Variants in ZNF140 observed in about 807,000 individuals in gnomAD.
The protein encoded by ZNF140 is zinc finger protein 140, also known as zinc finger protein 140 (clone pHZ-39).
Under a neutral mutation model 12.9 loss-of-function variants are expected in ZNF140, and 13 were observed. That is an observed-to-expected ratio of 1.01 (90% CI 0.66 to 1.60). The LOEUF is 1.60. Among genes scored for constraint, ZNF140 ranks in the 40% most tolerant of loss-of-function variants. The pLI is 0.00. For missense variants in ZNF140, 531 were observed against 548.8 expected (o/e 0.97, Z 0.32); for synonymous variants, 214 against 186.7 (o/e 1.15, Z -1.19).
At chr12:133,090,613 CACAGAG>C (rs1239642235) in intron 4 of ZNF140, among the ~76,000 whole-genome samples, 4 of 150,774 alleles carry the variant, frequency 2.7e-5, no homozygotes, top group African/African-American at 7.3e-5. Flanking sequence ...AGAAAGAAGA[CACAGAG>C]ACAAAGTATA....
chr12:133,101,904 C>T (rs1593798725), intron 4 of ZNF140, among the ~76,000 whole-genome samples: 1 of 152,108 alleles, frequency 6.6e-6, no homozygotes, highest in Non-Finnish European at 1.5e-5. Context: ...ACTGATAATT[C>T]CAACATTCCT....
rs758899482 is a variant in ZNF140 at position 133,091,074 on chromosome 12, T to C, written c.232+7513T>C. 2.2e-3 allele frequency among the ~76,000 whole-genome samples: 334 copies of C among 149,188 alleles called. 7 individuals are homozygous for C. The highest frequency in any genetic ancestry group is 6.8e-3 in the Middle Eastern group (2 of 292). On this transcript the variant is annotated intron_variant, in intron 4 of 4. Transcript: ENST00000355557. Reference sequence around the variant, plus strand: ...TTCCTCTATCTCAACTGCAAGAGGCTTTCCTCTTTTACTCATCCATCTCAG... The same window carrying C: ...TTCCTCTATCTCAACTGCAAGAGGCCTTCCTCTTTTACTCATCCATCTCAG...
intron 4 of ZNF140, 22 bp from the exon 5 acceptor site, chr12:133,105,488 C>CTTTTTTTTTTT: frequency 6.6e-7 from 1 of 1,519,458 alleles, no homozygotes. Flanking sequence ...GAAACATTCA[C>CTTTTTTTTTTT]TTTTTTTTTG....
In ZNF140 at chr12:133,106,454, G is replaced by C; in HGVS notation, c.1177G>C (p.Ala393Pro). ...KPYACAECDKAFSRSFSLILH... is the reference protein window; with the variant it reads ...KPYACAECDKPFSRSFSLILH... ...CTATGCGTGTGCTGAATGTGATAAA[G>C]CCTTCAGCCGGAGCTTTTCCCTCAT... Residue 393 changes from alanine (A) to proline (P), a missense_variant, in exon 5 of 5, where the codon GCC (alanine) becomes CCC (proline). Coordinates refer to ENST00000355557, the MANE Select transcript of ZNF140 (RefSeq NM_003440.4). 6.2e-7 allele frequency: 1 copy of C among 1,614,030 alleles called. No individual in the cohort carries two copies. The highest frequency in any genetic ancestry group is 8.5e-7 in the Non-Finnish European group (1 of 1,179,998).
rs1954572427 is a variant in ZNF140 at position 133,083,574 on chromosome 12, G to A, written c.232+13G>A. The A allele has an allele frequency of 6.2e-7, 1 of 1,605,380 alleles. No individual in the cohort carries two copies. The highest frequency in any genetic ancestry group is 1.3e-5 in the African/African-American group (1 of 74,436). On this transcript the variant is annotated intron_variant, in intron 4 of 4. Transcript: ENST00000355557. ...GATCTGTTTTCAGGTGAGTGAGTTG[G>A]AAGCTGATGGGGAAATTTTTTAAAA...
At chr12:133,089,031 T>C (rs1030431511) in intron 4 of ZNF140, among the ~76,000 whole-genome samples, 10 of 152,302 alleles carry the variant, frequency 6.6e-5, no homozygotes, top group Admixed American at 3.3e-4. Context: ...TCTTTTCTTA[T>C]AATTCCTTTG....
At chr12:133,104,620 A>G (rs981983698) in intron 4 of ZNF140, among the ~76,000 whole-genome samples, 97 of 152,182 alleles carry the variant, frequency 6.4e-4, no homozygotes, top group East Asian at 7.7e-4. Context: ...CAAAGTGCTG[A>G]GATTACAGGC....
intron 4 of ZNF140, among the ~76,000 whole-genome samples, chr12:133,096,060 T>C (rs1955105224): frequency 6.6e-6 from 1 of 151,310 alleles, no homozygotes; most frequent in Non-Finnish European, 1.5e-5. Context: ...GGTGTCGGGC[T>C]GGGGGATGGT....
At chr12:133,099,721 T>C (rs1282690860) in intron 4 of ZNF140, among the ~76,000 whole-genome samples, 2 of 152,174 alleles carry the variant, frequency 1.3e-5, no homozygotes, top group African/African-American at 4.8e-5. Flanking sequence ...CTTTTACTTA[T>C]TTCTTCTTAA....
At chr12:133,082,803 T>C in intron 2 of ZNF140, 1 of 237,682 alleles carries the variant, frequency 4.2e-6, no homozygotes, top group Non-Finnish European at 8.4e-6. Context: ...CTGTAAAATC[T>C]TAAGAATTTT....
intron 4 of ZNF140, among the ~76,000 whole-genome samples, chr12:133,088,773 G>T (rs1954764403): frequency 6.6e-6 from 1 of 152,152 alleles, no homozygotes; most frequent in South Asian, 2.1e-4. Flanking sequence ...ACGATTGGTT[G>T]TTGGATTTTG....
chr12:133,102,966 CTCATT>C (rs1955409019), intron 4 of ZNF140, among the ~76,000 whole-genome samples: 1 of 149,260 alleles, frequency 6.7e-6, no homozygotes, highest in Non-Finnish European at 1.5e-5. Context: ...GTTTTTTACT[CTCATT>C]GTTGTGAGAA....
chr12:133,095,475 AG>A (rs1955039701), intron 4 of ZNF140, among the ~76,000 whole-genome samples: 2 of 150,876 alleles, frequency 1.3e-5, no homozygotes, highest in Admixed American at 1.3e-4. Flanking sequence ...CGCCAGATGA[AG>A]GGGTGGCCTG....
At position 133,084,080 on chromosome 12, in the gene ZNF140, A is replaced by G. The variant is rs892116292; in HGVS notation, c.232+519A>G. ...TACCTAACAGCTGACATAGTCGACC[A>G]GTTCTCACCTTATACTTTCTTTTCT... is the stretch of plus-strand genomic sequence containing the variant. On this transcript the variant is annotated intron_variant, in intron 4 of 4. Coordinates refer to ENST00000355557, the MANE Select transcript of ZNF140 (RefSeq NM_003440.4). 330 of 384,310 alleles carry G rather than the reference A, an allele frequency of 8.6e-4. 2 individuals are homozygous for G. The highest frequency in any genetic ancestry group is 6.6e-3 in the African/African-American group (304 of 45,994). The allele number at this position is 384,310 out of a possible 1,614,324, so 23.8% of individuals were successfully genotyped here. A position where few individuals can be genotyped will look rare whatever the true frequency, so the allele number is the denominator to read the frequency against.
chr12:133,088,608 G>T (rs1183174610), intron 4 of ZNF140, among the ~76,000 whole-genome samples: 1 of 152,108 alleles, frequency 6.6e-6, no homozygotes, highest in Non-Finnish European at 1.5e-5. Flanking sequence ...ATTTCATTTG[G>T]GTAAATACCA....
chr12:133,098,868 A>G (rs1030622125), intron 4 of ZNF140, among the ~76,000 whole-genome samples: 2 of 148,792 alleles, frequency 1.3e-5, no homozygotes, highest in Non-Finnish European at 1.5e-5. Flanking sequence ...ATGCCTGGCT[A>G]ATTTTTTGTA....
Position 133,105,718 on chromosome 12 carries a change from C to G in ZNF140, c.441C>G (p.Ala147=). The G allele has an allele frequency of 6.2e-7, 1 of 1,614,082 alleles. No homozygotes were observed. The highest frequency in any genetic ancestry group is 8.5e-7 in the Non-Finnish European group (1 of 1,180,012). Reference sequence around the variant, plus strand: ...AAGTAACAGTCTCTCATCAAGAAGCCCTGGCTCAACATATGAATATCAGTA... The same window carrying G: ...AAGTAACAGTCTCTCATCAAGAAGCGCTGGCTCAACATATGAATATCAGTA... The part of the protein sequence containing the change: ...IRKVTVSHQE[A]LAQHMNISTV... Residue 147 remains alanine (A), a synonymous_variant, in exon 5 of 5, where the codon GCC becomes GCG. Coordinates refer to ENST00000355557, the MANE Select transcript of ZNF140 (RefSeq NM_003440.4).
In ZNF140 at chr12:133,103,246, T is replaced by C. The variant is rs557851875; in HGVS notation, c.233-2264T>C. 2.6e-5 allele frequency among the ~76,000 whole-genome samples: 4 copies of C among 152,260 alleles called. No homozygotes were observed. The South Asian group carries it at 6.2e-4, about 24-fold the overall frequency. On this transcript the variant is annotated intron_variant, in intron 4 of 4. Coordinates refer to ENST00000355557, the MANE Select transcript of ZNF140 (RefSeq NM_003440.4). ...ATTATTAGCTATAATCACCTTACCA[T>C]GCAAGAGAACACCTGAGCTTATTCT...
chr12:133,101,202 G>T, intron 4 of ZNF140: 1 of 229,110 alleles, frequency 4.4e-6, no homozygotes. Context: ...TCTGTGGTTT[G>T]GTTTATGACA....
Sources: gnomAD v4.1 joint callset for allele counts (sites outside exome capture counted in the v4.1 genomes callset) on GRCh38, gnomAD v4.1.1 for gene constraint, MANE v1.5 for transcripts, NCBI Gene and HGNC (gene_info 2026-07-23, HGNC 2026-07-21) for gene names.